The following PCDH11X variants were observed in gnomAD, a reference collection of about 807,000 sequenced individuals.
PCDH11X encodes the protein protocadherin 11 X-linked.
PCDH11X carries 18 observed loss-of-function variants against 53.3 expected under a neutral mutation model. The observed-to-expected ratio is 0.34, with a 90% CI of 0.23 to 0.50. The LOEUF (loss-of-function observed/expected upper bound fraction) is 0.50. Ranked by LOEUF, PCDH11X falls within the 20% of genes least tolerant of loss-of-function variation. The pLI, the probability that PCDH11X is intolerant of heterozygous loss-of-function variation, is 0.98. For missense variants in PCDH11X, 570 were observed against 1,032.4 expected, an observed-to-expected ratio of 0.55 and a Z score of 6.14; for synonymous variants, 279 against 393.3, an observed-to-expected ratio of 0.71 and a Z score of 3.44.
chrX:92,379,715 T>A (rs1161969729), intron 8 of PCDH11X, among the ~76,000 whole-genome samples: 4 of 109,559 alleles, frequency 3.7e-5, no homozygotes, highest in Non-Finnish European at 5.7e-5. Flanking sequence ...CATGGACCAA[T>A]CAGCATGGAC....
intron 5 of PCDH11X, among the ~76,000 whole-genome samples, chrX:91,872,311 T>A (rs1251867966): frequency 1.0e-5 from 1 of 95,337 alleles, no homozygotes; most frequent in Non-Finnish European, 2.1e-5. Flanking sequence ...TTCTGGACAG[T>A]TTTATTAAAA....
At chrX:92,587,800 C>T (rs1924560375) in intron 10 of PCDH11X, among the ~76,000 whole-genome samples, 1 of 108,640 alleles carries the variant, frequency 9.2e-6, no homozygotes, top group Non-Finnish European at 1.9e-5. Flanking sequence ...GCTGTATATT[C>T]CATCTTCTCA....
chrX:92,245,550 A>G (rs191892898), intron 7 of PCDH11X, among the ~76,000 whole-genome samples: 1 of 112,660 alleles, frequency 8.9e-6, no homozygotes, highest in Admixed American at 9.4e-5. Context: ...AAAGATGAGT[A>G]TGTCTATTCT....
At chrX:91,882,955 T>C (rs1286153101) in intron 6 of PCDH11X, 1 of 1,180,312 alleles carries the variant, frequency 8.5e-7, no homozygotes, top group Non-Finnish European at 1.1e-6. Flanking sequence ...GATATAACTT[T>C]CTAGGAACAA....
intron 6 of PCDH11X, among the ~76,000 whole-genome samples, chrX:92,170,647 G>A (rs979088295): frequency 2.8e-5 from 3 of 108,977 alleles, no homozygotes; most frequent in African/African-American, 1.0e-4. Context: ...ATCCAGGTTG[G>A]AGTGCAGTGG....
chrX:92,104,907 G>A (rs1167540746), intron 6 of PCDH11X, among the ~76,000 whole-genome samples: 3 of 110,684 alleles, frequency 2.7e-5, no homozygotes, highest in Admixed American at 9.6e-5. Context: ...TTGCCCCCTA[G>A]GAAAGCGGGA....
chrX:91,825,227 T>C (rs13362970), intron 4 of PCDH11X, among the ~76,000 whole-genome samples: 10,124 of 107,717 alleles, frequency 0.094, 1,770 homozygotes, highest in African/African-American at 0.36. Flanking sequence ...CGGGCTGCTT[T>C]GTTTACCTAA....
intron 10 of PCDH11X, among the ~76,000 whole-genome samples, chrX:92,606,447 G>A (rs1172456298): frequency 9.3e-6 from 1 of 107,017 alleles, no homozygotes; most frequent in Non-Finnish European, 1.9e-5. Context: ...TCCACAAGTG[G>A]CATTGGGATT....
chrX:92,088,061 G>A (rs981468782), intron 6 of PCDH11X, among the ~76,000 whole-genome samples: 1 of 106,374 alleles, frequency 9.4e-6, no homozygotes, highest in African/African-American at 3.4e-5. Context: ...TTTTGAGTGT[G>A]AGACTTCCAG....
rs1286611966 is a variant in PCDH11X at position 92,621,231 on chromosome X, G to T, written c.*2291G>T. 1 of 103,161 alleles carries T rather than the reference G, an allele frequency of 9.7e-6. No homozygotes were observed. Among genetic ancestry groups the T allele is most frequent in the Non-Finnish European group, 2.0e-5 (1 of 51,105 alleles). The allele number at this position is 103,161 out of a possible 1,213,427, so 8.5% of individuals were successfully genotyped here. ...AAATAACTTATCAGGCATCTCAATG[G>T]TTACTATCTATGTTAGTGAAAATCA... On this transcript the variant is annotated 3_prime_UTR_variant, in exon 11 of 11. Transcript: ENST00000682573.
chrX:92,060,126 A>G (rs1054750962), intron 6 of PCDH11X, among the ~76,000 whole-genome samples: 1 of 109,372 alleles, frequency 9.1e-6, no homozygotes, highest in Non-Finnish European at 1.9e-5. Flanking sequence ...AGAAAATTCC[A>G]TCCACAATCT....
chrX:92,022,104 C>G (rs2525409), intron 6 of PCDH11X, among the ~76,000 whole-genome samples: 1 of 102,438 alleles, frequency 9.8e-6, no homozygotes, highest in Non-Finnish European at 2.0e-5. Context: ...ATGAAGAAAC[C>G]GCATCAATTA....
intron 5 of PCDH11X, among the ~76,000 whole-genome samples, chrX:91,857,632 G>T (rs1452717659): frequency 2.7e-5 from 3 of 111,801 alleles, no homozygotes; most frequent in African/African-American, 9.8e-5. Flanking sequence ...AAATAAAGGG[G>T]CTACAGGCCC....
At chrX:92,063,532 C>T (rs1162148750) in intron 6 of PCDH11X, among the ~76,000 whole-genome samples, 5 of 111,001 alleles carry the variant, frequency 4.5e-5, no homozygotes, top group Non-Finnish European at 9.4e-5. Context: ...TTTATATCCA[C>T]ACTCTGAATT....
intron 8 of PCDH11X, among the ~76,000 whole-genome samples, chrX:92,339,565 A>G (rs1439987022): frequency 9.0e-6 from 1 of 111,261 alleles, no homozygotes; most frequent in East Asian, 2.8e-4. Context: ...ATCACGGTGG[A>G]AGGCCTAAGG....
intron 6 of PCDH11X, among the ~76,000 whole-genome samples, chrX:92,153,043 C>T (rs947482026): frequency 1.0e-4 from 11 of 107,435 alleles, no homozygotes; most frequent in Non-Finnish European, 2.1e-4. Flanking sequence ...ACCTTGGCCT[C>T]CCAAAGTGCT....
chrX:92,536,763 T>C (rs2074667852), intron 10 of PCDH11X, among the ~76,000 whole-genome samples: 1 of 104,656 alleles, frequency 9.6e-6, no homozygotes, highest in Admixed American at 1.1e-4. Flanking sequence ...GATCAAGCGA[T>C]CTCCCTGTCT....
chrX:92,024,795 G>T (rs1178374529), intron 6 of PCDH11X, among the ~76,000 whole-genome samples: 1 of 106,314 alleles, frequency 9.4e-6, no homozygotes, highest in Non-Finnish European at 1.9e-5. Context: ...ATACTACAAG[G>T]CTACAATAAG....
At chrX:92,050,851 C>T (rs1483514735) in intron 6 of PCDH11X, among the ~76,000 whole-genome samples, 1 of 107,990 alleles carries the variant, frequency 9.3e-6, no homozygotes, top group African/African-American at 3.4e-5. Context: ...ACTGGAACCC[C>T]ATGTAGCTCC....
Sources: gnomAD v4.1 joint callset for allele counts (sites outside exome capture counted in the v4.1 genomes callset) on GRCh38, gnomAD v4.1.1 for gene constraint, MANE v1.5 for transcripts, NCBI Gene and HGNC (gene_info 2026-07-23, HGNC 2026-07-21) for gene names.